KYNU: variants seen among roughly 807,000 people sequenced by gnomAD.
KYNU encodes L-kynurenine hydrolase.
In KYNU, 54 loss-of-function variants were observed where a neutral mutation model predicts 59.2. The ratio of observed to expected loss-of-function variants is 0.91; its 90% CI spans 0.73 to 1.14. The LOEUF is 1.14. KYNU is among the 50% of genes most tolerant of loss of function. KYNU has a pLI of 0.00. For synonymous variants in KYNU, 177 were observed against 192.0 expected (o/e 0.92, Z 0.65); for missense variants, 567 against 554.4 (o/e 1.02, Z -0.23).
intron 4 of KYNU, among the ~76,000 whole-genome samples, chr2:142,930,292 T>G (rs191874442): frequency 6.6e-6 from 1 of 152,098 alleles, no homozygotes; most frequent in South Asian, 2.1e-4. Flanking sequence ...AAAAGAAGAT[T>G]TGTTGAAATT....
chr2:143,020,974 G>T (rs954261204), intron 10 of KYNU, among the ~76,000 whole-genome samples: 3 of 152,116 alleles, frequency 2.0e-5, no homozygotes, highest in Non-Finnish European at 4.4e-5. Flanking sequence ...TTGTATTTTT[G>T]TCAATCTGAG....
intron 4 of KYNU, among the ~76,000 whole-genome samples, chr2:142,929,123 AC>A (rs1238711142): frequency 6.6e-6 from 1 of 151,846 alleles, no homozygotes; most frequent in African/African-American, 2.4e-5. Flanking sequence ...TAAGTAAAAT[AC>A]AAAGAAATAT....
Position 143,045,915 on chromosome 2 carries a change from C to G in KYNU, c.*3743C>G, listed in dbSNP as rs2104931431. The G allele has an allele frequency of 6.6e-6, 1 of 152,192 alleles. No homozygotes were observed. Among genetic ancestry groups the G allele is most frequent in the East Asian group, 1.9e-4 (1 of 5,186 alleles). The allele number at this position is 152,192 out of a possible 1,614,324, so 9.4% of individuals were successfully genotyped here. A position where few individuals can be genotyped will look rare whatever the true frequency, so the allele number is the denominator to read the frequency against. On this transcript the variant is annotated 3_prime_UTR_variant, in exon 14 of 14. Coordinates refer to ENST00000264170, the MANE Select transcript of KYNU (RefSeq NM_003937.3). ...TGAACTTGTAAGCAGAGAAGTAAATCTATAATGACAAATCATAATTTCTGA... is the reference window on the plus strand; with the variant it reads ...TGAACTTGTAAGCAGAGAAGTAAATGTATAATGACAAATCATAATTTCTGA...
intron 10 of KYNU, among the ~76,000 whole-genome samples, chr2:142,996,970 T>G (rs1685564433): frequency 6.6e-6 from 1 of 152,144 alleles, no homozygotes; most frequent in African/African-American, 2.4e-5. Context: ...TAAAACCAGC[T>G]TGATGGAAAT....
At chr2:142,884,233 A>G (rs982244506) in intron 1 of KYNU, among the ~76,000 whole-genome samples, 42 of 152,250 alleles carry the variant, frequency 2.8e-4, no homozygotes, top group Non-Finnish European at 4.3e-4. Context: ...GAAGAAATTT[A>G]TAATTACTAA....
chr2:142,920,585 G>A (rs528825273), intron 3 of KYNU, among the ~76,000 whole-genome samples: 1 of 152,154 alleles, frequency 6.6e-6, no homozygotes, highest in East Asian at 1.9e-4. Context: ...CTCTTCTATT[G>A]TTTTGTCTTT....
At chr2:143,001,887 C>T (rs1367166080) in intron 10 of KYNU, among the ~76,000 whole-genome samples, 1 of 152,176 alleles carries the variant, frequency 6.6e-6, no homozygotes, top group Non-Finnish European at 1.5e-5. Flanking sequence ...GTCTTAGTTT[C>T]CATCCATTTT....
chr2:142,963,630 G>A (rs560804149), intron 8 of KYNU, among the ~76,000 whole-genome samples: 1 of 152,080 alleles, frequency 6.6e-6, no homozygotes, highest in African/African-American at 2.4e-5. Flanking sequence ...TGTCACATTG[G>A]GTATAAGGTT....
At chr2:142,926,597 T>C (rs916555770) in intron 3 of KYNU, among the ~76,000 whole-genome samples, 3 of 152,178 alleles carry the variant, frequency 2.0e-5, no homozygotes, top group African/African-American at 7.2e-5. Flanking sequence ...AGAGTTCCAG[T>C]TGCGGAGATG....
chr2:142,922,936 G>A (rs1313408474), intron 3 of KYNU, among the ~76,000 whole-genome samples: 3 of 152,166 alleles, frequency 2.0e-5, no homozygotes, highest in African/African-American at 7.2e-5. Context: ...CAAGGTGCTG[G>A]CTGACTTAGT....
At chr2:142,910,435 T>G (rs1397292856) in intron 2 of KYNU, among the ~76,000 whole-genome samples, 1 of 152,144 alleles carries the variant, frequency 6.6e-6, no homozygotes, top group Non-Finnish European at 1.5e-5. Flanking sequence ...TGTTTCTCGC[T>G]TGTCGAATTG....
chr2:142,895,000 C>T (rs958340464), intron 2 of KYNU, among the ~76,000 whole-genome samples: 4 of 152,116 alleles, frequency 2.6e-5, no homozygotes, highest in Non-Finnish European at 5.9e-5. Flanking sequence ...ATGATGTTCC[C>T]AGCATTTTAT....
chr2:143,013,252 TTCTC>T lies in KYNU; in HGVS notation c.903-16364_903-16361del, dbSNP rs1169549563. 8.6e-5 allele frequency among the ~76,000 whole-genome samples: 13 copies of T among 151,490 alleles called. No individual in the cohort carries two copies. In the East Asian group the frequency reaches 1.5e-3, roughly 18 times the overall value. On this transcript the variant is annotated intron_variant, in intron 10 of 13. Coordinates refer to ENST00000264170, the MANE Select transcript of KYNU (RefSeq NM_003937.3). Reference sequence around the variant, plus strand: ...ATTATTTTTTAGGGCTAAATAATATTTCTCTCTCTCTCTCCCTGTCTCTCTCTGT... The same window carrying T: ...ATTATTTTTTAGGGCTAAATAATATTTCTCTCTCTCCCTGTCTCTCTCTGT...
chr2:142,901,052 CAA>C (rs34574070), intron 2 of KYNU, among the ~76,000 whole-genome samples: 18,482 of 116,324 alleles, frequency 0.16, 1,351 homozygotes, highest in African/African-American at 0.25. Context: ...GACTCCATCT[CAA>C]AAAAAAAAAA....
chr2:142,979,764 G>T (rs557807976), intron 8 of KYNU, among the ~76,000 whole-genome samples: 1 of 151,956 alleles, frequency 6.6e-6, no homozygotes, highest in African/African-American at 2.4e-5. Context: ...CCTGAGCAAC[G>T]TAGTGAGAAC....
intron 10 of KYNU, among the ~76,000 whole-genome samples, chr2:142,990,672 G>A (rs1191392703): frequency 6.6e-6 from 1 of 151,784 alleles, no homozygotes; most frequent in Non-Finnish European, 1.5e-5. Flanking sequence ...TGTGCCCATT[G>A]TATTAGATTC....
intron 4 of KYNU, among the ~76,000 whole-genome samples, chr2:142,933,052 A>G (rs1378505582): frequency 6.6e-6 from 1 of 152,156 alleles, no homozygotes; most frequent in African/African-American, 2.4e-5. Flanking sequence ...AGACTAGTAC[A>G]CTGCAGTGAG....
rs1687098894 is a variant in KYNU, at chr2:143,042,924, C to T, written c.*752C>T. 1 of 146,878 alleles carries T rather than the reference C, an allele frequency of 6.8e-6. No homozygotes were observed. The highest frequency in any genetic ancestry group is 2.5e-5 in the African/African-American group (1 of 40,340). 9.1% of individuals were successfully genotyped at this position (146,878 alleles called of 1,614,324 possible). A position where few individuals can be genotyped will look rare whatever the true frequency, so the allele number is the denominator to read the frequency against. On this transcript the variant is annotated 3_prime_UTR_variant, in exon 14 of 14. Coordinates refer to ENST00000264170, the MANE Select transcript of KYNU (RefSeq NM_003937.3). ...GCATGCATCTCAAATAAACAGTTACCATCTTCTATTTGATAAAATAGTCTA... is the reference window on the plus strand; with the variant it reads ...GCATGCATCTCAAATAAACAGTTACTATCTTCTATTTGATAAAATAGTCTA...
At chr2:143,019,434 T>C (rs986650231) in intron 10 of KYNU, among the ~76,000 whole-genome samples, 9 of 152,138 alleles carry the variant, frequency 5.9e-5, no homozygotes, top group African/African-American at 2.2e-4. Context: ...GATTATGACA[T>C]TTACTGATTT....
Sources: gnomAD v4.1 joint callset for allele counts (sites outside exome capture counted in the v4.1 genomes callset) on GRCh38, gnomAD v4.1.1 for gene constraint, MANE v1.5 for transcripts, NCBI Gene and HGNC (gene_info 2026-07-23, HGNC 2026-07-21) for gene names.